Variants in KCNU1 observed in about 807,000 individuals in gnomAD.
The protein encoded by KCNU1 is potassium channel subfamily U member 1.
KCNU1 carries 93 observed loss-of-function variants against 126.8 expected under a neutral mutation model. The ratio of observed to expected loss-of-function variants is 0.73; its 90% CI spans 0.62 to 0.87. KCNU1 has a LOEUF of 0.87. KCNU1 is among the 40% of genes least tolerant of loss of function. The probability of loss-of-function intolerance (pLI) is 0.00; values close to 1 mark genes in which losing one functional copy is unlikely to be tolerated. For missense variants in KCNU1, 1,330 were observed against 1,367.1 expected (o/e 0.97, Z 0.43); for synonymous variants, 523 against 494.2 (o/e 1.06, Z -0.77).
rs183624278 is a variant in KCNU1 at position 36,810,193 on chromosome 8, A to G, written c.732+1400A>G. On this transcript the variant is annotated intron_variant, in intron 7 of 26. Coordinates refer to ENST00000399881, the MANE Select transcript of KCNU1 (RefSeq NM_001031836.3). Reference sequence around the variant, plus strand: ...CTTGAACTTGGGAGGGACAGGTTGCAGTGAGCTGAGATTGCACCACTGCAC... The same window carrying G: ...CTTGAACTTGGGAGGGACAGGTTGCGGTGAGCTGAGATTGCACCACTGCAC... Among the ~76,000 whole-genome samples, 377 of 151,880 alleles carry G rather than the reference A, an allele frequency of 2.5e-3. 4 individuals carry two copies. Among genetic ancestry groups the G allele is most frequent in the African/African-American group, 8.7e-3 (362 of 41,424 alleles).
chr8:36,885,262 TAAC>T (rs1415889043), intron 19 of KCNU1, among the ~76,000 whole-genome samples: 4 of 152,006 alleles, frequency 2.6e-5, no homozygotes, highest in Non-Finnish European at 4.4e-5. Flanking sequence ...CATTGTGAAA[TAAC>T]AACCAGTGGC....
intron 19 of KCNU1, chr8:36,889,030 C>G (rs935774492): frequency 2.2e-5 from 10 of 457,174 alleles, no homozygotes; most frequent in Non-Finnish European, 4.5e-5. Flanking sequence ...AGGCATACAC[C>G]ACCATGCCCA....
At chr8:36,864,253 C>T (rs1044905568) in intron 18 of KCNU1, 151 bp from the exon 19 acceptor site, 1 of 613,510 alleles carries the variant, frequency 1.6e-6, no homozygotes, top group African/African-American at 1.8e-5. Flanking sequence ...AAAGAGTTTG[C>T]TACAATTCAT....
intron 6 of KCNU1, among the ~76,000 whole-genome samples, chr8:36,807,721 C>T (rs1461718388): frequency 1.3e-5 from 2 of 149,686 alleles, no homozygotes; most frequent in African/African-American, 2.5e-5. Context: ...AATTCTAGGT[C>T]CCTCCACCAA....
In KCNU1 at chr8:36,804,236, T is replaced by C. The variant is rs189013096; in HGVS notation, c.377+148T>C. 5,772 of 635,532 alleles carry C rather than the reference T, an allele frequency of 9.1e-3. 51 individuals are homozygous for C. The highest frequency in any genetic ancestry group is 0.013 in the Middle Eastern group (52 of 4,004). The allele number at this position is 635,532 out of a possible 1,614,324, so 39.4% of individuals were successfully genotyped here. A position where few individuals can be genotyped will look rare whatever the true frequency, so the allele number is the denominator to read the frequency against. On this transcript the variant is annotated intron_variant, in intron 3 of 26. Transcript: ENST00000399881. ...ACTCATAAAAAGTGATATGTTTGGCTTCTCCCAGTAAGCACTAAGCCCAGC... is the reference window on the plus strand; with the variant it reads ...ACTCATAAAAAGTGATATGTTTGGCCTCTCCCAGTAAGCACTAAGCCCAGC...
chr8:36,886,303 C>G (rs889434141), intron 19 of KCNU1, among the ~76,000 whole-genome samples: 2 of 152,132 alleles, frequency 1.3e-5, no homozygotes, highest in Non-Finnish European at 2.9e-5. Flanking sequence ...TTCTTATTAT[C>G]CAATATAACA....
intron 18 of KCNU1, among the ~76,000 whole-genome samples, chr8:36,853,700 A>G (rs1805432220): frequency 6.6e-6 from 1 of 152,176 alleles, no homozygotes; most frequent in Non-Finnish European, 1.5e-5. Flanking sequence ...TATTCAATGT[A>G]TACTTGGGAA....
chr8:36,914,252 G>A (rs1808007330), intron 22 of KCNU1, among the ~76,000 whole-genome samples: 1 of 152,146 alleles, frequency 6.6e-6, no homozygotes, highest in Non-Finnish European at 1.5e-5. Context: ...TTTCACTAGG[G>A]GATAGAGTGG....
At chr8:36,822,404 A>G (rs1021617651) in intron 10 of KCNU1, among the ~76,000 whole-genome samples, 2 of 152,100 alleles carry the variant, frequency 1.3e-5, no homozygotes, top group African/African-American at 4.8e-5. Context: ...TCAGTCCTAT[A>G]AAGGACTCTA....
intron 19 of KCNU1, among the ~76,000 whole-genome samples, chr8:36,878,206 G>A (rs1487815277): frequency 2.0e-5 from 3 of 152,134 alleles, no homozygotes; most frequent in African/African-American, 4.8e-5. Flanking sequence ...TTGCAAGTAA[G>A]AGAAACCAAT....
chr8:36,885,449 G>A (rs1806659079), intron 19 of KCNU1, among the ~76,000 whole-genome samples: 1 of 152,118 alleles, frequency 6.6e-6, no homozygotes, highest in South Asian at 2.1e-4. Context: ...CAGCTACTGG[G>A]GAGGCTGAAG....
intron 22 of KCNU1, among the ~76,000 whole-genome samples, chr8:36,916,387 G>A (rs556679427): frequency 3.6e-4 from 54 of 150,872 alleles, no homozygotes; most frequent in Admixed American, 1.3e-3. Context: ...GGGAGGAAAT[G>A]AGGAAGGGGA....
Position 36,874,233 on chromosome 8 carries a change from C to A in KCNU1, c.2009+9712C>A, listed in dbSNP as rs567907332. Among the ~76,000 whole-genome samples, 17 of 152,276 alleles carry A rather than the reference C, an allele frequency of 1.1e-4. 4 individuals are homozygous for A. Among genetic ancestry groups the A allele is most frequent in the African/African-American group, 4.1e-4 (17 of 41,564 alleles). ...AGCCCCAGGAAAAGCCGAGTAGTCA[C>A]CATTCTTTTTTATTTATAAGCCCAT... On this transcript the variant is annotated intron_variant, in intron 19 of 26. Coordinates refer to ENST00000399881, the MANE Select transcript of KCNU1 (RefSeq NM_001031836.3).
intron 23 of KCNU1, among the ~76,000 whole-genome samples, chr8:36,920,318 A>C (rs1466547144): frequency 6.6e-6 from 1 of 152,118 alleles, no homozygotes; most frequent in African/African-American, 2.4e-5. Context: ...GAATTCAATT[A>C]GTTGAATTCT....
At chr8:36,880,393 G>A (rs1226248308) in intron 19 of KCNU1, among the ~76,000 whole-genome samples, 1 of 152,118 alleles carries the variant, frequency 6.6e-6, no homozygotes, top group Non-Finnish European at 1.5e-5. Context: ...GCCTCTTGGA[G>A]CTGAGTCAAT....
chr8:36,824,268 T>C (rs1444359815), intron 10 of KCNU1, among the ~76,000 whole-genome samples: 2 of 152,220 alleles, frequency 1.3e-5, no homozygotes, highest in African/African-American at 4.8e-5. Context: ...TCTGCAGTTT[T>C]TCTTATCACA....
chr8:36,917,053 A>G (rs1808138862), intron 22 of KCNU1, among the ~76,000 whole-genome samples: 1 of 151,648 alleles, frequency 6.6e-6, no homozygotes, highest in South Asian at 2.1e-4. Context: ...TCATCTTCCC[A>G]TTGTCTGTTT....
chr8:36,894,608 T>C (rs1324851675), intron 19 of KCNU1, among the ~76,000 whole-genome samples: 1 of 152,124 alleles, frequency 6.6e-6, no homozygotes, highest in African/African-American at 2.4e-5. Context: ...TGTTAACATA[T>C]GTTACTGATA....
rs1349601568 is a variant in KCNU1 at position 36,864,081 on chromosome 8, C to T, written c.1892-323C>T. 3.3e-5 allele frequency among the ~76,000 whole-genome samples: 5 copies of T among 152,068 alleles called. No individual in the cohort carries two copies. In the East Asian group the frequency reaches 7.7e-4, roughly 23 times the overall value. ...TTTTTGTAGAGTGATGCTTTCTTAG[C>T]GTCCTAAGGTGCCTCTAGACATGCT... On this transcript the variant is annotated intron_variant, in intron 18 of 26. Coordinates refer to ENST00000399881, the MANE Select transcript of KCNU1 (RefSeq NM_001031836.3).
Sources: gnomAD v4.1 joint callset for allele counts (sites outside exome capture counted in the v4.1 genomes callset) on GRCh38, gnomAD v4.1.1 for gene constraint, MANE v1.5 for transcripts, NCBI Gene and HGNC (gene_info 2026-07-23, HGNC 2026-07-21) for gene names.